NKAIN3: variants seen among roughly 807,000 people sequenced by gnomAD.
NKAIN3 encodes the protein sodium/potassium transporting ATPase interacting 3.
Under a neutral mutation model 30.2 loss-of-function variants are expected in NKAIN3, and 25 were observed. The observed-to-expected ratio is 0.83, with a 90% CI of 0.60 to 1.16. The LOEUF is 1.16. Ranked by LOEUF, NKAIN3 falls within the 50% of genes most tolerant of loss-of-function variation. The pLI is 0.00. For missense variants in NKAIN3, 225 were observed against 254.1 expected, an observed-to-expected ratio of 0.89 and a Z score of 0.78; for synonymous variants, 91 against 89.6, an observed-to-expected ratio of 1.02 and a Z score of -0.09.
Position 62,483,916 on chromosome 8 carries a change from A to G in NKAIN3, c.55-95623A>G, listed in dbSNP as rs528535348. The G allele has an allele frequency of 5.1e-4, 82 of 159,288 alleles. No homozygotes were observed. In the South Asian group the frequency reaches 0.015, roughly 29 times the overall value. The allele number at this position is 159,288 out of a possible 1,614,324, so 9.9% of individuals were successfully genotyped here. A position where few individuals can be genotyped will look rare whatever the true frequency, so the allele number is the denominator to read the frequency against. On this transcript the variant is annotated intron_variant, in intron 1 of 6. Coordinates refer to ENST00000623646, the MANE Select transcript of NKAIN3 (RefSeq NM_001304533.3). ...CCTGCATTACAACAGTACTCTCTTA[A>G]TTAGTCTCACTGCCTCAACACTGGC...
chr8:62,807,662 C>T (rs199608977), intron 4 of NKAIN3, among the ~76,000 whole-genome samples: 3 of 149,976 alleles, frequency 2.0e-5, no homozygotes, highest in African/African-American at 4.9e-5. Context: ...AAGCAATTCT[C>T]CTGCCTCAGC....
intron 1 of NKAIN3, among the ~76,000 whole-genome samples, chr8:62,326,845 T>C (rs1815156254): frequency 6.6e-6 from 1 of 152,008 alleles, no homozygotes; most frequent in Admixed American, 6.6e-5. Context: ...CATATGGTAA[T>C]TCTATGTTTA....
At chr8:62,478,886 G>A (rs1563416866) in intron 1 of NKAIN3, among the ~76,000 whole-genome samples, 2 of 152,134 alleles carry the variant, frequency 1.3e-5, no homozygotes, top group Admixed American at 1.3e-4. Flanking sequence ...GTAGTGTGCT[G>A]GGTATGACAT....
intron 4 of NKAIN3, among the ~76,000 whole-genome samples, chr8:62,813,656 T>C (rs899693319): frequency 6.6e-6 from 1 of 151,972 alleles, no homozygotes; most frequent in Non-Finnish European, 1.5e-5. Flanking sequence ...TGTTCCTTTC[T>C]TCCACTCTTG....
At chr8:62,883,880 G>T (rs1192718695) in intron 4 of NKAIN3, among the ~76,000 whole-genome samples, 1 of 151,794 alleles carries the variant, frequency 6.6e-6, no homozygotes, top group Non-Finnish European at 1.5e-5. Flanking sequence ...TCAATTCCTA[G>T]TTTCTTCTCA....
chr8:62,677,236 G>C (rs1436444562), intron 3 of NKAIN3, among the ~76,000 whole-genome samples: 2 of 152,114 alleles, frequency 1.3e-5, no homozygotes, highest in Non-Finnish European at 2.9e-5. Flanking sequence ...TGATATATCA[G>C]GTTGGCAAAA....
At chr8:62,503,547 G>A (rs1458297374) in intron 1 of NKAIN3, among the ~76,000 whole-genome samples, 3 of 152,068 alleles carry the variant, frequency 2.0e-5, no homozygotes, top group Non-Finnish European at 4.4e-5. Context: ...AAGCCTGAGG[G>A]TACTGCAGGA....
At chr8:62,675,951 A>G (rs1813464072) in intron 3 of NKAIN3, among the ~76,000 whole-genome samples, 2 of 152,190 alleles carry the variant, frequency 1.3e-5, no homozygotes, top group Admixed American at 6.5e-5. Flanking sequence ...CCCACCCACA[A>G]ACAATACATT....
chr8:62,638,647 G>A (rs778386267), intron 3 of NKAIN3, among the ~76,000 whole-genome samples: 1 of 152,070 alleles, frequency 6.6e-6, no homozygotes, highest in Non-Finnish European at 1.5e-5. Flanking sequence ...TATTAGTATT[G>A]CTGATGCTGT....
Position 62,965,202 on chromosome 8 carries a change from G to A in NKAIN3, c.604-152G>A, listed in dbSNP as rs183775238. Among the ~76,000 whole-genome samples the A allele has an allele frequency of 7.0e-4, 106 of 152,230 alleles. No homozygotes were observed. In the East Asian group the frequency reaches 0.018, roughly 25 times the overall value. ...CATGCCCTAATCTGAAAAGCAGGAA[G>A]GCCCAAGTCTTTAACTTTCTTATTG... On this transcript the variant is annotated intron_variant, in intron 6 of 6. Coordinates refer to ENST00000623646, the MANE Select transcript of NKAIN3 (RefSeq NM_001304533.3).
At chr8:62,801,904 C>A (rs1818077369) in intron 4 of NKAIN3, among the ~76,000 whole-genome samples, 1 of 151,974 alleles carries the variant, frequency 6.6e-6, no homozygotes, top group Non-Finnish European at 1.5e-5. Flanking sequence ...CTAGAATAAC[C>A]AATACAGAGA....
At chr8:62,483,608 G>A in intron 1 of NKAIN3, 2 of 181,760 alleles carry the variant, frequency 1.1e-5, no homozygotes, top group Non-Finnish European at 1.2e-5. Flanking sequence ...TTTAAATCTG[G>A]TCTTTTATGA....
chr8:62,478,239 G>A (rs546338619), intron 1 of NKAIN3, among the ~76,000 whole-genome samples: 6 of 152,190 alleles, frequency 3.9e-5, no homozygotes, highest in Non-Finnish European at 7.4e-5. Context: ...TAGTAGAGCC[G>A]GGTATCCAGC....
At chr8:62,707,497 C>G (rs973890174) in intron 3 of NKAIN3, among the ~76,000 whole-genome samples, 2 of 152,004 alleles carry the variant, frequency 1.3e-5, no homozygotes, top group East Asian at 3.9e-4. Flanking sequence ...AGCATTTTTT[C>G]ATATGTTTGT....
intron 1 of NKAIN3, among the ~76,000 whole-genome samples, chr8:62,491,259 C>CATT (rs1807057992): frequency 6.6e-6 from 1 of 152,158 alleles, no homozygotes; most frequent in South Asian, 2.1e-4. Context: ...TTCTCTACAT[C>CATT]ATTATTAGAC....
chr8:62,500,978 C>T (rs896573420), intron 1 of NKAIN3, among the ~76,000 whole-genome samples: 6 of 152,074 alleles, frequency 3.9e-5, no homozygotes, highest in Admixed American at 2.6e-4. Flanking sequence ...TTCAGTTTCT[C>T]AAAAGAAAAA....
chr8:62,694,303 C>A (rs1814084488), intron 3 of NKAIN3, among the ~76,000 whole-genome samples: 1 of 152,106 alleles, frequency 6.6e-6, no homozygotes, highest in African/African-American at 2.4e-5. Context: ...GAATCAACTT[C>A]TGTCCATCAA....
At chr8:62,466,371 A>T (rs76694545) in intron 1 of NKAIN3, among the ~76,000 whole-genome samples, 3,335 of 152,286 alleles carry the variant, frequency 0.022, 135 homozygotes, top group African/African-American at 0.076. Context: ...TAATTTCATT[A>T]AAGATCAGTG....
chr8:62,906,491 T>C (rs545611661), intron 4 of NKAIN3, among the ~76,000 whole-genome samples: 74 of 152,288 alleles, frequency 4.9e-4, no homozygotes, highest in African/African-American at 1.8e-3. Flanking sequence ...ACAAGCAGTA[T>C]TGTAGAACCT....
Sources: allele counts gnomAD v4.1 joint callset (sites outside exome capture counted in the v4.1 genomes callset), GRCh38; gene constraint gnomAD v4.1.1; transcripts MANE v1.5; gene names NCBI Gene and HGNC (gene_info 2026-07-23, HGNC 2026-07-21).